The following PLPPR1 variants were observed in gnomAD, a reference collection of about 807,000 sequenced individuals.
The protein encoded by PLPPR1 is phospholipid phosphatase related 1, also known as phospholipid phosphatase-related protein type 1.
In PLPPR1, 10 loss-of-function variants were observed where a neutral mutation model predicts 33.1. The ratio of observed to expected loss-of-function variants is 0.30; its 90% CI spans 0.19 to 0.51. The LOEUF is 0.51. Ranked by LOEUF, PLPPR1 falls within the 20% of genes least tolerant of loss-of-function variation. The pLI is 0.97. For missense variants in PLPPR1, 304 were observed against 408.1 expected (o/e 0.74, Z 2.20); for synonymous variants, 151 against 151.0 (o/e 1.00, Z 0.00).
chr9:101,209,164 C>A (rs79747939), intron 2 of PLPPR1, among the ~76,000 whole-genome samples: 1 of 152,296 alleles, frequency 6.6e-6, no homozygotes, highest in East Asian at 1.9e-4. Context: ...CCCAGTAATT[C>A]GTGTTTTAAC....
At chr9:101,215,286 T>C (rs1335920428) in intron 2 of PLPPR1, among the ~76,000 whole-genome samples, 1 of 151,596 alleles carries the variant, frequency 6.6e-6, no homozygotes, top group Non-Finnish European at 1.5e-5. Flanking sequence ...GGTCTTTTTT[T>C]ATTTTTTTTT....
intron 2 of PLPPR1, among the ~76,000 whole-genome samples, chr9:101,238,174 C>CTA (rs985478239): frequency 7.4e-6 from 1 of 134,644 alleles, no homozygotes; most frequent in Non-Finnish European, 1.6e-5. Context: ...TATATATACC[C>CTA]TATATATATG....
chr9:101,080,002 C>T (rs1407531298), intron 1 of PLPPR1, among the ~76,000 whole-genome samples: 2 of 152,178 alleles, frequency 1.3e-5, no homozygotes, highest in East Asian at 3.8e-4. Flanking sequence ...TAATAGGAAT[C>T]TATTTTACCC....
intron 4 of PLPPR1, among the ~76,000 whole-genome samples, chr9:101,292,874 G>C (rs1828541420): frequency 6.6e-6 from 1 of 151,754 alleles, no homozygotes; most frequent in South Asian, 2.1e-4. Context: ...AGACCATCGA[G>C]GCTAGGAAGA....
chr9:101,187,293 A>T (rs1346994415), intron 2 of PLPPR1: 1 of 151,784 alleles, frequency 6.6e-6, no homozygotes, highest in African/African-American at 2.4e-5. Context: ...TCAAAGTGAG[A>T]TGTTTAATTT....
intron 1 of PLPPR1, among the ~76,000 whole-genome samples, chr9:101,089,989 G>A (rs750993976): frequency 2.0e-5 from 3 of 152,106 alleles, no homozygotes; most frequent in African/African-American, 4.8e-5. Context: ...CAAGGTGTTG[G>A]CTGGTCTGTG....
At chr9:101,100,274 T>C (rs1201983550) in intron 1 of PLPPR1, among the ~76,000 whole-genome samples, 2 of 152,150 alleles carry the variant, frequency 1.3e-5, no homozygotes, top group Admixed American at 1.3e-4. Flanking sequence ...ATCTCACCTT[T>C]GGGGTGGCAG....
intron 4 of PLPPR1, among the ~76,000 whole-genome samples, chr9:101,288,312 G>A (rs371569634): frequency 6.6e-6 from 1 of 152,112 alleles, no homozygotes; most frequent in Non-Finnish European, 1.5e-5. Context: ...CGCTGGAGGA[G>A]CATCAAATTC....
chr9:101,214,109 G>C (rs1469985058), intron 2 of PLPPR1, among the ~76,000 whole-genome samples: 1 of 152,130 alleles, frequency 6.6e-6, no homozygotes, highest in Non-Finnish European at 1.5e-5. Flanking sequence ...ACAGATGCTG[G>C]TAATAAAAAA....
chr9:101,079,676 T>G (rs1324395793), intron 1 of PLPPR1, among the ~76,000 whole-genome samples: 5 of 152,030 alleles, frequency 3.3e-5, no homozygotes. Context: ...GTCTCCCAGG[T>G]TCACGCGATT....
chr9:101,048,771 C>A (rs1030693362), intron 1 of PLPPR1, among the ~76,000 whole-genome samples: 2 of 152,086 alleles, frequency 1.3e-5, no homozygotes, highest in Admixed American at 6.5e-5. Context: ...GCATTCAGAG[C>A]CATCTTCTAC....
At chr9:101,121,904 A>G (rs1189203270) in intron 1 of PLPPR1, among the ~76,000 whole-genome samples, 1 of 152,158 alleles carries the variant, frequency 6.6e-6, no homozygotes. Flanking sequence ...AAGACTGATT[A>G]CAAATGTGGC....
At chr9:101,238,402 TG>T (rs1173929199) in intron 2 of PLPPR1, among the ~76,000 whole-genome samples, 1 of 146,656 alleles carries the variant, frequency 6.8e-6, no homozygotes, top group African/African-American at 2.5e-5. Flanking sequence ...GATGGAATTG[TG>T]TGTGTGTGTA....
At chr9:101,219,056 C>T (rs779159724) in intron 2 of PLPPR1, among the ~76,000 whole-genome samples, 2 of 152,106 alleles carry the variant, frequency 1.3e-5, no homozygotes, top group South Asian at 2.1e-4. Context: ...GTTTTTAAAC[C>T]GGCCATGTCA....
chr9:101,264,045 G>A (rs551631437), intron 2 of PLPPR1, among the ~76,000 whole-genome samples: 2 of 152,186 alleles, frequency 1.3e-5, no homozygotes, highest in Admixed American at 1.3e-4. Context: ...GTCAATTTAT[G>A]TGCTTCCCCT....
chr9:101,149,699 A>C (rs1588048268), intron 1 of PLPPR1, among the ~76,000 whole-genome samples: 1 of 152,292 alleles, frequency 6.6e-6, no homozygotes, highest in East Asian at 1.9e-4. Context: ...AGCCAATAGA[A>C]GTTTTTATTC....
At chr9:101,291,278 C>A (rs1221936770) in intron 4 of PLPPR1, among the ~76,000 whole-genome samples, 1 of 152,232 alleles carries the variant, frequency 6.6e-6, no homozygotes, top group Non-Finnish European at 1.5e-5. Flanking sequence ...GTAAACAAAG[C>A]AGCCGGGAAG....
chr9:101,310,478 G>C (rs1186418199), intron 5 of PLPPR1, among the ~76,000 whole-genome samples: 1 of 152,166 alleles, frequency 6.6e-6, no homozygotes, highest in African/African-American at 2.4e-5. Flanking sequence ...CCAAACATCT[G>C]AGTATGCCCT....
rs1041851676 is a variant in PLPPR1, at chr9:101,029,007, C to T, written c.-141C>T. 7.8e-5 allele frequency: 12 copies of T among 152,872 alleles called. No individual in the cohort carries two copies. Among genetic ancestry groups the T allele is most frequent in the African/African-American group, 2.9e-4 (12 of 41,474 alleles). The allele number at this position is 152,872 out of a possible 1,614,324, so 9.5% of individuals were successfully genotyped here. On this transcript the variant is annotated 5_prime_UTR_variant, in exon 1 of 8. Coordinates refer to ENST00000374874, the MANE Select transcript of PLPPR1 (RefSeq NM_207299.2). Reference sequence around the variant, plus strand: ...CCACGCAAGCGGAATGCAGCAGCGCCTGGAGAGCGTGTCTCGGACCGCCGC... The same window carrying T: ...CCACGCAAGCGGAATGCAGCAGCGCTTGGAGAGCGTGTCTCGGACCGCCGC...
Sources: allele counts gnomAD v4.1 joint callset (sites outside exome capture counted in the v4.1 genomes callset), GRCh38; gene constraint gnomAD v4.1.1; transcripts MANE v1.5; gene names NCBI Gene and HGNC (gene_info 2026-07-23, HGNC 2026-07-21).